Variants in GPC6 observed in about 807,000 individuals in gnomAD.
GPC6 encodes glypican-6.
In GPC6, 14 loss-of-function variants were observed where a neutral mutation model predicts 55.2. The observed-to-expected ratio is 0.25, with a 90% CI of 0.17 to 0.40. The LOEUF (loss-of-function observed/expected upper bound fraction) is 0.40. Among genes scored for constraint, GPC6 ranks in the 10% least tolerant of loss-of-function variants. GPC6 has a pLI of 1.00. For missense variants in GPC6, 641 were observed against 708.5 expected (o/e 0.90, Z 1.08); for synonymous variants, 278 against 259.6 (o/e 1.07, Z -0.68).
intron 2 of GPC6, among the ~76,000 whole-genome samples, chr13:93,781,291 GA>G (rs1594451617): frequency 7.0e-6 from 1 of 143,814 alleles, no homozygotes; most frequent in East Asian, 2.0e-4. Context: ...AAAAAAAAAA[GA>G]AAAAAGAAAT....
intron 2 of GPC6, among the ~76,000 whole-genome samples, chr13:93,817,934 G>A (rs1299155355): frequency 1.4e-5 from 2 of 147,500 alleles, no homozygotes; most frequent in Non-Finnish European, 3.0e-5. Flanking sequence ...ATCTATTATA[G>A]ATATAATTTA....
At chr13:93,773,359 C>T (rs942739123) in intron 2 of GPC6, among the ~76,000 whole-genome samples, 2 of 152,104 alleles carry the variant, frequency 1.3e-5, no homozygotes, top group African/African-American at 2.4e-5. Flanking sequence ...CATCAATAAG[C>T]ATCTCAGAGA....
chr13:93,609,386 G>C (rs991431407), intron 2 of GPC6, among the ~76,000 whole-genome samples: 1 of 152,040 alleles, frequency 6.6e-6, no homozygotes, highest in Non-Finnish European at 1.5e-5. Context: ...AGCTATTTTT[G>C]TTTTGTTTTG....
At chr13:93,939,336 G>T (rs1294272327) in intron 3 of GPC6, among the ~76,000 whole-genome samples, 1 of 150,502 alleles carries the variant, frequency 6.6e-6, no homozygotes, top group Non-Finnish European at 1.5e-5. Context: ...AAAACTAGAC[G>T]TAAACCTAGG....
At chr13:94,276,475 T>TTTA (rs1331556036) in intron 4 of GPC6, among the ~76,000 whole-genome samples, 2 of 51,800 alleles carry the variant, frequency 3.9e-5, no homozygotes, top group East Asian at 5.1e-4. Context: ...CTCATTTTTA[T>TTTA]TTTTATTTTA....
chr13:93,765,307 T>G (rs1363236048), intron 2 of GPC6, among the ~76,000 whole-genome samples: 4 of 152,070 alleles, frequency 2.6e-5, no homozygotes, highest in Non-Finnish European at 4.4e-5. Context: ...GAAAGACAAC[T>G]TATTTGGTTT....
intron 2 of GPC6, among the ~76,000 whole-genome samples, chr13:93,671,304 G>A (rs1025537640): frequency 2.0e-5 from 3 of 150,902 alleles, no homozygotes; most frequent in Non-Finnish European, 4.4e-5. Flanking sequence ...AAGATCTCCC[G>A]GGACTGACTT....
At chr13:93,639,110 G>A (rs888823760) in intron 2 of GPC6, among the ~76,000 whole-genome samples, 12 of 152,124 alleles carry the variant, frequency 7.9e-5, no homozygotes, top group East Asian at 3.9e-4. Context: ...AGTTTGTCAC[G>A]TAATACTAAG....
chr13:94,285,762 T>C (rs771760551), intron 4 of GPC6, among the ~76,000 whole-genome samples: 6 of 152,156 alleles, frequency 3.9e-5, no homozygotes, highest in Non-Finnish European at 7.4e-5. Flanking sequence ...ATGGGTACCA[T>C]AATAGGCCTT....
chr13:93,288,084 C>A (rs888608498), intron 1 of GPC6, among the ~76,000 whole-genome samples: 1 of 152,118 alleles, frequency 6.6e-6, no homozygotes, highest in African/African-American at 2.4e-5. Context: ...CTAGAGTGAG[C>A]TGTTTAGTTT....
At chr13:93,633,650 A>G (rs61964568) in intron 2 of GPC6, among the ~76,000 whole-genome samples, 6,846 of 102,310 alleles carry the variant, frequency 0.067, 539 homozygotes, top group African/African-American at 0.18. Flanking sequence ...AAATAAATAA[A>G]TAAATAAATA....
At chr13:94,031,210 AG>A (rs930737514) in intron 4 of GPC6, among the ~76,000 whole-genome samples, 1 of 152,188 alleles carries the variant, frequency 6.6e-6, no homozygotes, top group African/African-American at 2.4e-5. Context: ...CCCTGCACAG[AG>A]GAATTGCTCA....
At position 93,343,128 on chromosome 13, in the gene GPC6, G is replaced by A. The variant is rs561799683; in HGVS notation, c.160+115512G>A. ...GTAATGGGAAATAATGACAACCCCCGCCCCCCACCACTGGCCAGCATTTAA... is the reference window on the plus strand; with the variant it reads ...GTAATGGGAAATAATGACAACCCCCACCCCCCACCACTGGCCAGCATTTAA... On this transcript the variant is annotated intron_variant, in intron 1 of 8. Coordinates refer to ENST00000377047, the MANE Select transcript of GPC6 (RefSeq NM_005708.5). Among the ~76,000 whole-genome samples, 9 of 120,220 alleles carry A rather than the reference G, an allele frequency of 7.5e-5. 1 individual carries two copies. The highest frequency in any genetic ancestry group is 6.9e-4 in the East Asian group (3 of 4,340). The allele number at this position is 120,220 out of a possible 152,430, so 78.9% of individuals were successfully genotyped here.
At chr13:94,184,841 C>T (rs542094839) in intron 4 of GPC6, among the ~76,000 whole-genome samples, 1 of 152,308 alleles carries the variant, frequency 6.6e-6, no homozygotes, top group South Asian at 2.1e-4. Context: ...TGCATACACT[C>T]ATATGTCCAT....
At chr13:93,957,292 G>C (rs572247059) in intron 3 of GPC6, among the ~76,000 whole-genome samples, 1 of 152,026 alleles carries the variant, frequency 6.6e-6, no homozygotes, top group African/African-American at 2.4e-5. Flanking sequence ...GGGGGTACAC[G>C]TACAGGCTTG....
intron 3 of GPC6, among the ~76,000 whole-genome samples, chr13:93,893,351 C>T (rs138123641): frequency 2.8e-4 from 42 of 152,196 alleles, no homozygotes; most frequent in African/African-American, 9.4e-4. Context: ...CCACCGCTCC[C>T]GGCCATTAAA....
At chr13:93,794,456 C>G (rs902068305) in intron 2 of GPC6, among the ~76,000 whole-genome samples, 1 of 152,220 alleles carries the variant, frequency 6.6e-6, no homozygotes, top group Non-Finnish European at 1.5e-5. Context: ...CAGTGCCTCA[C>G]TCTCTCACTT....
At chr13:93,275,408 G>A (rs560555607) in intron 1 of GPC6, among the ~76,000 whole-genome samples, 1 of 152,086 alleles carries the variant, frequency 6.6e-6, no homozygotes, top group South Asian at 2.1e-4. Flanking sequence ...AGAATACTAT[G>A]TTTGACTAGA....
At chr13:93,442,486 T>C (rs1458875248) in intron 1 of GPC6, among the ~76,000 whole-genome samples, 1 of 152,208 alleles carries the variant, frequency 6.6e-6, no homozygotes, top group Non-Finnish European at 1.5e-5. Context: ...TACAATTTTA[T>C]ATCATCCTTC....
Sources: gnomAD v4.1 joint callset for allele counts (sites outside exome capture counted in the v4.1 genomes callset) on GRCh38, gnomAD v4.1.1 for gene constraint, MANE v1.5 for transcripts, NCBI Gene and HGNC (gene_info 2026-07-23, HGNC 2026-07-21) for gene names.